The following LUZP4 variants were observed in gnomAD, a reference collection of about 807,000 sequenced individuals.
LUZP4 encodes HOM-TES-85 tumor antigen.
In LUZP4, 11 loss-of-function variants were observed where a neutral mutation model predicts 8.5. The observed-to-expected ratio is 1.30, with a 90% CI of 0.82 to 2.14. LUZP4 has a LOEUF of 2.14. LUZP4 is among the 30% of genes most tolerant of loss of function. LUZP4 has a pLI of 0.00. For synonymous variants in LUZP4, 104 were observed against 79.4 expected (o/e 1.31, Z -1.65); for missense variants, 276 against 229.7 (o/e 1.20, Z -1.30).
At position 115,306,185 on chromosome X, in the gene LUZP4, A is replaced by G; in HGVS notation, c.343-20A>G. ...GAAGTATATGTTTCATTTGTTTTGA[A>G]TAATTGGGATCCTTTTCAGGAGAAG... On this transcript the variant is annotated intron_variant, in intron 3 of 3. Coordinates refer to ENST00000371920, the MANE Select transcript of LUZP4 (RefSeq NM_016383.5). 8.4e-7 allele frequency: 1 copy of G among 1,192,198 alleles called. No homozygotes were observed. The highest frequency in any genetic ancestry group is 1.8e-5 in the South Asian group (1 of 54,824).
chrX:115,296,398 C>G (rs1325008350), intron 1 of LUZP4, among the ~76,000 whole-genome samples: 2 of 110,973 alleles, frequency 1.8e-5, no homozygotes, highest in Admixed American at 1.9e-4. Flanking sequence ...AAATGTCTCT[C>G]CTTGAGAGAT....
Position 115,302,074 on chromosome X carries a change from A to T in LUZP4, c.174A>T (p.Glu58Asp). ...KNKRQNHSKKESPSRQQSKAH... is the reference protein window; with the variant it reads ...KNKRQNHSKKDSPSRQQSKAH... ...AAAGACAGAACCATAGTAAAAAGGA[A>T]TCGCCTTCAAGACAGCAATCAAAAG... Residue 58 changes from glutamate to aspartate, a missense_variant, in exon 2 of 4, where the codon GAA (glutamate) becomes GAT (aspartate). Transcript: ENST00000371920. 8.3e-7 allele frequency: 1 copy of T among 1,199,190 alleles called. No individual in the cohort carries two copies. The highest frequency in any genetic ancestry group is 1.1e-6 in the Non-Finnish European group (1 of 888,925).
chrX:115,306,895 T>C lies in LUZP4; in HGVS notation c.*91T>C, dbSNP rs1218537925. ...ATATGTATTTGTTGAAACATGTATATTGGGACAAAGACATAAATATTAGAA... is the reference window on the plus strand; with the variant it reads ...ATATGTATTTGTTGAAACATGTATACTGGGACAAAGACATAAATATTAGAA... On this transcript the variant is annotated 3_prime_UTR_variant, in exon 4 of 4. Transcript: ENST00000371920. The C allele has an allele frequency of 1.2e-6, 1 of 848,652 alleles. No individual in the cohort carries two copies. The highest frequency in any genetic ancestry group is 1.7e-6 in the Non-Finnish European group (1 of 592,367). 69.9% of individuals were successfully genotyped at this position (848,652 alleles called of 1,213,427 possible). A position where few individuals can be genotyped will look rare whatever the true frequency, so the allele number is the denominator to read the frequency against.
intron 2 of LUZP4, 63 bp from the exon 3 acceptor site, chrX:115,303,237 A>G (rs1276356520): frequency 3.1e-6 from 2 of 643,893 alleles, no homozygotes; most frequent in Admixed American, 6.2e-5. Context: ...ATCAGAGATA[A>G]TACTTCTGAA....
chrX:115,301,519 TTC>T (rs1378709775), intron 1 of LUZP4, among the ~76,000 whole-genome samples: 1 of 112,273 alleles, frequency 8.9e-6, no homozygotes, highest in Admixed American at 9.5e-5. Flanking sequence ...CACTTCTTTT[TTC>T]TCTGTTAGTT....
chrX:115,300,974 G>A (rs1313149120), intron 1 of LUZP4, among the ~76,000 whole-genome samples: 1 of 110,638 alleles, frequency 9.0e-6, no homozygotes, highest in African/African-American at 3.3e-5. Flanking sequence ...GGGGACGATC[G>A]GTGGAGGCTT....
chrX:115,297,728 G>A (rs1286177765), intron 1 of LUZP4, among the ~76,000 whole-genome samples: 1 of 110,998 alleles, frequency 9.0e-6, no homozygotes, highest in East Asian at 2.8e-4. Flanking sequence ...AATGCCTTGA[G>A]GTAGTCTTCT....
At chrX:115,301,069 G>C (rs1038275024) in intron 1 of LUZP4, among the ~76,000 whole-genome samples, 13 of 111,123 alleles carry the variant, frequency 1.2e-4, no homozygotes, top group African/African-American at 3.9e-4. Context: ...TAATAAAGGA[G>C]TGGTTAATCT....
At chrX:115,294,268 C>G (rs1419730616) in intron 1 of LUZP4, among the ~76,000 whole-genome samples, 2 of 112,117 alleles carry the variant, frequency 1.8e-5, no homozygotes, top group African/African-American at 6.5e-5. Flanking sequence ...TCTCAAAATT[C>G]AGAGAAATAA....
chrX:115,298,828 C>A (rs1373133815), intron 1 of LUZP4, among the ~76,000 whole-genome samples: 1 of 111,286 alleles, frequency 9.0e-6, no homozygotes, highest in Non-Finnish European at 1.9e-5. Flanking sequence ...TTGGTGAGGT[C>A]ATGTTTTCCT....
intron 1 of LUZP4, among the ~76,000 whole-genome samples, chrX:115,296,431 A>G (rs1158800969): frequency 9.0e-6 from 1 of 111,428 alleles, no homozygotes; most frequent in Non-Finnish European, 1.9e-5. Context: ...CTCTAGGTGG[A>G]TTCAGTGGAG....
At position 115,296,301 on chromosome X, in the gene LUZP4, A is replaced by ACTGTCTTT. The variant is rs1249277103; in HGVS notation, c.92-5688_92-5681dup. Reference sequence around the variant, plus strand: ...ATCAGTTTTAAACTGTGTGAGGAATACTGTCTTTCTTCAGTCCTGACAGTT... The same window carrying ACTGTCTTT: ...ATCAGTTTTAAACTGTGTGAGGAATACTGTCTTTCTGTCTTTCTTCAGTCCTGACAGTT... On this transcript the variant is annotated intron_variant, in intron 1 of 3. Transcript: ENST00000371920. 2.7e-5 allele frequency among the ~76,000 whole-genome samples: 3 copies of ACTGTCTTT among 111,816 alleles called. No individual in the cohort carries two copies. The East Asian group carries it at 8.4e-4, about 31-fold the overall frequency.
At chrX:115,299,554 C>A (rs782220320) in intron 1 of LUZP4, among the ~76,000 whole-genome samples, 1 of 111,312 alleles carries the variant, frequency 9.0e-6, no homozygotes, top group South Asian at 3.9e-4. Flanking sequence ...GGCAGAGGAG[C>A]CTCACCCCAT....
chrX:115,297,768 C>T (rs1408861823), intron 1 of LUZP4, among the ~76,000 whole-genome samples: 1 of 110,693 alleles, frequency 9.0e-6, no homozygotes, highest in African/African-American at 3.3e-5. Flanking sequence ...TGTTCTATAA[C>T]CTTCTTGTAC....
chrX:115,307,510 T>G lies in LUZP4; in HGVS notation c.*706T>G, dbSNP rs191394903. The G allele has an allele frequency of 8.9e-6, 1 of 112,154 alleles. No individual in the cohort carries two copies. Among genetic ancestry groups the G allele is most frequent in the Non-Finnish European group, 1.9e-5 (1 of 53,242 alleles). The allele number at this position is 112,154 out of a possible 1,213,427, so 9.2% of individuals were successfully genotyped here. ...GTTATGTTGTTAAAAACACAAGATATGTTAACTGCAGTTTGTTTGGTTATT... is the reference window on the plus strand; with the variant it reads ...GTTATGTTGTTAAAAACACAAGATAGGTTAACTGCAGTTTGTTTGGTTATT... On this transcript the variant is annotated 3_prime_UTR_variant, in exon 4 of 4. Transcript: ENST00000371920.
chrX:115,298,347 G>A (rs138270215), intron 1 of LUZP4, among the ~76,000 whole-genome samples: 1 of 112,434 alleles, frequency 8.9e-6, no homozygotes, highest in East Asian at 2.8e-4. Context: ...GAATACAGGC[G>A]TAAGCCACCA....
chrX:115,289,803 C>G lies in LUZP4; in HGVS notation c.44C>G (p.Pro15Arg), dbSNP rs1294612669. 2.5e-6 allele frequency: 3 copies of G among 1,207,346 alleles called. No individual in the cohort carries two copies. Among genetic ancestry groups the G allele is most frequent in the Non-Finnish European group, 2.2e-6 (2 of 893,375 alleles). Residue 15 changes from proline to arginine, a missense_variant, in exon 1 of 4, where the codon CCA becomes CGA. By Grantham distance (103) the Pro-to-Arg change is moderately radical. Transcript: ENST00000371920. The part of the protein sequence containing the change: ...RKLTLSEKVP[P>R]NHPSRKKVNF... Reference sequence around the variant, plus strand: ...CTAACGCTTTCTGAAAAAGTGCCGCCAAATCATCCCAGTCGGAAAAAGGTT... The same window carrying G: ...CTAACGCTTTCTGAAAAAGTGCCGCGAAATCATCCCAGTCGGAAAAAGGTT...
At chrX:115,303,816 T>C (rs1214250260) in intron 3 of LUZP4, among the ~76,000 whole-genome samples, 1 of 111,985 alleles carries the variant, frequency 8.9e-6, no homozygotes, top group African/African-American at 3.2e-5. Flanking sequence ...ATATGAAATA[T>C]ACTCTGGAAG....
chrX:115,295,299 G>T (rs1470021058), intron 1 of LUZP4, among the ~76,000 whole-genome samples: 1 of 111,468 alleles, frequency 9.0e-6, no homozygotes, highest in Non-Finnish European at 1.9e-5. Context: ...GGCTGGTCTC[G>T]AACTCGTGGG....
Sources: gnomAD v4.1 joint callset for allele counts (sites outside exome capture counted in the v4.1 genomes callset) on GRCh38, gnomAD v4.1.1 for gene constraint, MANE v1.5 for transcripts, NCBI Gene and HGNC (gene_info 2026-07-23, HGNC 2026-07-21) for gene names.